Variants in STRN observed in about 807,000 individuals in gnomAD.
The protein encoded by STRN is striatin, also known as protein phosphatase 2 regulatory subunit B'''alpha.
In STRN, 53 loss-of-function variants were observed where a neutral mutation model predicts 96.3. The ratio of observed to expected loss-of-function variants is 0.55; its 90% CI spans 0.44 to 0.69. STRN has a LOEUF of 0.69. Among genes scored for constraint, STRN ranks in the 30% least tolerant of loss-of-function variants. STRN has a pLI of 0.00. For synonymous variants in STRN, 428 were observed against 355.9 expected, an observed-to-expected ratio of 1.20 and a Z score of -2.28; for missense variants, 987 against 963.9, an observed-to-expected ratio of 1.02 and a Z score of -0.32.
chr2:36,949,572 C>T (rs1461381487), intron 1 of STRN, among the ~76,000 whole-genome samples: 1 of 152,068 alleles, frequency 6.6e-6, no homozygotes, highest in Non-Finnish European at 1.5e-5. Context: ...AGAAGTAGTA[C>T]TAGTAATTAA....
chr2:36,880,535 T>G (rs974382582), intron 9 of STRN, among the ~76,000 whole-genome samples: 1 of 152,212 alleles, frequency 6.6e-6, no homozygotes, highest in African/African-American at 2.4e-5. Flanking sequence ...AATTAAGACA[T>G]TATCAAACTA....
chr2:36,935,959 C>A (rs543804997), intron 1 of STRN, among the ~76,000 whole-genome samples: 1 of 151,362 alleles, frequency 6.6e-6, no homozygotes, highest in Non-Finnish European at 1.5e-5. Context: ...ATTAATAAAA[C>A]AAAATAAATA....
rs1205538345 is a variant in STRN at position 36,844,878 on chromosome 2, C to T, written c.*4578G>A. The T allele has an allele frequency of 2.6e-5, 4 of 152,018 alleles. No individual in the cohort carries two copies. The highest frequency in any genetic ancestry group is 9.7e-5 in the African/African-American group (4 of 41,384). The allele number at this position is 152,018 out of a possible 1,614,324, so 9.4% of individuals were successfully genotyped here. A position where few individuals can be genotyped will look rare whatever the true frequency, so the allele number is the denominator to read the frequency against. On this transcript the variant is annotated 3_prime_UTR_variant, in exon 18 of 18. Coordinates refer to ENST00000263918, the MANE Select transcript of STRN (RefSeq NM_003162.4). ...TAAACACAGATACGTTTTTCTGGGC[C>T]TTTCTCTAAAATGAACTTTAGGGCT...
At chr2:36,872,067 A>C (rs1287113272) in intron 10 of STRN, among the ~76,000 whole-genome samples, 1 of 152,172 alleles carries the variant, frequency 6.6e-6, no homozygotes, top group Admixed American at 6.5e-5. Flanking sequence ...TTCCTTCTGA[A>C]CGTCTTAATG....
At chr2:36,869,845 T>G in intron 10 of STRN, 116 bp from the exon 11 acceptor site, 1 of 785,254 alleles carries the variant, frequency 1.3e-6, no homozygotes, top group Non-Finnish European at 1.8e-6. Flanking sequence ...TTGCAATTTT[T>G]AAAACAATAT....
chr2:36,911,666 C>T (rs1209494722), intron 3 of STRN, among the ~76,000 whole-genome samples: 1 of 152,218 alleles, frequency 6.6e-6, no homozygotes, highest in Admixed American at 6.5e-5. Flanking sequence ...AGCCAGCCTC[C>T]TTGTGTCTTC....
chr2:36,879,799 T>C (rs767516592), intron 9 of STRN, among the ~76,000 whole-genome samples: 16 of 152,214 alleles, frequency 1.1e-4, no homozygotes, highest in Non-Finnish European at 2.1e-4. Context: ...TTCAGTTTTA[T>C]ATTCAATCAT....
intron 3 of STRN, among the ~76,000 whole-genome samples, chr2:36,909,333 G>A (rs1445736286): frequency 6.6e-6 from 1 of 151,802 alleles, no homozygotes; most frequent in African/African-American, 2.4e-5. Context: ...TAAAAGTGAG[G>A]ATTTTAATAT....
intron 1 of STRN, among the ~76,000 whole-genome samples, chr2:36,961,374 T>C (rs900864361): frequency 2.0e-5 from 3 of 151,856 alleles, no homozygotes; most frequent in Non-Finnish European, 2.9e-5. Flanking sequence ...TCAGCCTCAA[T>C]CCCAAAAGTA....
rs564097275 is a variant in STRN, at chr2:36,955,911, C to T, written c.234+10319G>A. The stretch of plus-strand genomic sequence containing the variant: ...ATGTTTCATATATACCCTATACACA[C>T]AGTTTAAACGTAATTTTACTTTTCC... On this transcript the variant is annotated intron_variant, in intron 1 of 17. Coordinates refer to ENST00000263918, the MANE Select transcript of STRN (RefSeq NM_003162.4). 2.3e-4 allele frequency among the ~76,000 whole-genome samples: 35 copies of T among 152,338 alleles called. No homozygotes were observed. The South Asian group carries it at 6.8e-3, about 30-fold the overall frequency.
chr2:36,935,469 T>C (rs1670678516), intron 1 of STRN, among the ~76,000 whole-genome samples: 1 of 152,208 alleles, frequency 6.6e-6, no homozygotes, highest in South Asian at 2.1e-4. Flanking sequence ...TCTCATTTAA[T>C]TAGGACTATG....
chr2:36,861,331 G>C, intron 12 of STRN, 78 bp from the exon 13 acceptor site: 3 of 1,534,070 alleles, frequency 2.0e-6, no homozygotes, highest in South Asian at 1.2e-5. Flanking sequence ...AAATAAGAAT[G>C]TTTAATTACC....
At chr2:36,905,649 C>T in intron 3 of STRN, 31 bp from the exon 4 acceptor site, 3 of 1,588,724 alleles carry the variant, frequency 1.9e-6, no homozygotes, top group East Asian at 2.2e-5. Flanking sequence ...ATAAAACTGA[C>T]TTGTTTTACG....
chr2:36,883,283 C>T (rs1487448805), intron 9 of STRN, among the ~76,000 whole-genome samples: 1 of 151,966 alleles, frequency 6.6e-6, no homozygotes, highest in Non-Finnish European at 1.5e-5. Context: ...GGCAAAACCC[C>T]ATCTCTACTA....
intron 9 of STRN, among the ~76,000 whole-genome samples, chr2:36,881,798 C>T (rs141955148): frequency 2.0e-5 from 3 of 152,200 alleles, no homozygotes; most frequent in Non-Finnish European, 2.9e-5. Context: ...TCATGTATGG[C>T]CTGAGATGAA....
intron 2 of STRN, among the ~76,000 whole-genome samples, chr2:36,916,850 G>A (rs1430895013): frequency 6.6e-6 from 1 of 151,720 alleles, no homozygotes; most frequent in East Asian, 1.9e-4. Flanking sequence ...TAACTATCTC[G>A]GATTTAACCA....
At chr2:36,851,353 C>G (rs557319034) in intron 15 of STRN, among the ~76,000 whole-genome samples, 1 of 151,982 alleles carries the variant, frequency 6.6e-6, no homozygotes, top group Non-Finnish European at 1.5e-5. Flanking sequence ...TGTGGTGGTG[C>G]GTGCCTGTAG....
chr2:36,964,911 C>T (rs1018791053), intron 1 of STRN, among the ~76,000 whole-genome samples: 2 of 152,178 alleles, frequency 1.3e-5, no homozygotes, highest in Non-Finnish European at 2.9e-5. Flanking sequence ...ACTCAATACA[C>T]AGGTGCTGAA....
chr2:36,958,083 C>T (rs1664940275), intron 1 of STRN, among the ~76,000 whole-genome samples: 1 of 151,892 alleles, frequency 6.6e-6, no homozygotes, highest in Admixed American at 6.6e-5. Flanking sequence ...ACACACCTGG[C>T]TAATTTTTAT....
Sources: allele counts gnomAD v4.1 joint callset (sites outside exome capture counted in the v4.1 genomes callset), GRCh38; gene constraint gnomAD v4.1.1; transcripts MANE v1.5; gene names NCBI Gene and HGNC (gene_info 2026-07-23, HGNC 2026-07-21).